Variants in TRIO observed in about 807,000 individuals in gnomAD.
TRIO encodes the protein triple functional domain protein.
In TRIO, 58 loss-of-function variants were observed where a neutral mutation model predicts 351.9. The ratio of observed to expected loss-of-function variants is 0.16; its 90% CI spans 0.13 to 0.21. TRIO has a LOEUF of 0.21. TRIO is among the 10% of genes least tolerant of loss of function. TRIO has a pLI of 1.00. For synonymous variants in TRIO, 1,758 were observed against 1,595.7 expected (o/e 1.10, Z -2.42); for missense variants, 3,201 against 4,027.8 (o/e 0.79, Z 5.56).
intron 34 of TRIO, among the ~76,000 whole-genome samples, chr5:14,455,022 G>A (rs914554199): frequency 1.5e-4 from 23 of 151,858 alleles, no homozygotes; most frequent in Admixed American, 1.0e-3. Context: ...CATTCGTCCC[G>A]GTGGGTTCGT....
intron 20 of TRIO, among the ~76,000 whole-genome samples, chr5:14,379,467 C>T (rs1036280222): frequency 5.3e-5 from 8 of 152,202 alleles, no homozygotes; most frequent in African/African-American, 7.2e-5. Flanking sequence ...AGGGATCTGG[C>T]GCCCCACCTT....
rs1757916844 is a variant in TRIO at position 14,509,088 on chromosome 5, G to A, written c.*666G>A. 1 of 187,002 alleles carries A rather than the reference G, an allele frequency of 5.3e-6. No individual in the cohort carries two copies. Among genetic ancestry groups the A allele is most frequent in the Admixed American group, 5.8e-5 (1 of 17,318 alleles). 11.6% of individuals were successfully genotyped at this position (187,002 alleles called of 1,614,324 possible). A position where few individuals can be genotyped will look rare whatever the true frequency, so the allele number is the denominator to read the frequency against. ...ACCCACCCCCCACCCACCACCTGGG[G>A]CTTCCTCTGGGGGTCCGAGGGTCTT... On this transcript the variant is annotated 3_prime_UTR_variant, in exon 57 of 57. Coordinates refer to ENST00000344204, the MANE Select transcript of TRIO (RefSeq NM_007118.4).
intron 9 of TRIO, among the ~76,000 whole-genome samples, chr5:14,319,939 C>T (rs185967468): frequency 4.6e-5 from 7 of 152,220 alleles, no homozygotes; most frequent in Middle Eastern, 3.4e-3. Flanking sequence ...GGTAGTCAGG[C>T]GTGGCGGGAA....
At chr5:14,483,872 C>T (rs982609162) in intron 46 of TRIO, among the ~76,000 whole-genome samples, 2 of 152,150 alleles carry the variant, frequency 1.3e-5, no homozygotes, top group African/African-American at 4.8e-5. Flanking sequence ...AACTGTGCGC[C>T]CATCCCCTGG....
chr5:14,201,237 G>A (rs1267893358), intron 1 of TRIO, among the ~76,000 whole-genome samples: 1 of 151,984 alleles, frequency 6.6e-6, no homozygotes, highest in Non-Finnish European at 1.5e-5. Context: ...TCCAGCCTGG[G>A]CAACAAGAGC....
At chr5:14,175,338 T>G (rs1789342645) in intron 1 of TRIO, among the ~76,000 whole-genome samples, 7 of 152,236 alleles carry the variant, frequency 4.6e-5, no homozygotes, top group Admixed American at 4.6e-4. Context: ...AAAGGCGTTT[T>G]CTAATTCCTT....
intron 49 of TRIO, among the ~76,000 whole-genome samples, chr5:14,495,004 G>A (rs993185876): frequency 2.0e-5 from 3 of 152,246 alleles, no homozygotes; most frequent in Non-Finnish European, 4.4e-5. Flanking sequence ...ACCTTGTGGA[G>A]AGGATTCACC....
intron 1 of TRIO, chr5:14,184,084 C>A: frequency 1.6e-6 from 1 of 627,210 alleles, no homozygotes; most frequent in Non-Finnish European, 2.9e-6. Flanking sequence ...GCCAGATGAG[C>A]AGCCATGACA....
At chr5:14,247,330 G>C (rs575248070) in intron 1 of TRIO, among the ~76,000 whole-genome samples, 1 of 152,356 alleles carries the variant, frequency 6.6e-6, no homozygotes, top group African/African-American at 2.4e-5. Context: ...GGGAAGATTA[G>C]CCTGAACTAT....
intron 18 of TRIO, among the ~76,000 whole-genome samples, chr5:14,373,021 A>C (rs942513791): frequency 6.6e-6 from 1 of 152,192 alleles, no homozygotes; most frequent in South Asian, 2.1e-4. Context: ...CCTTCTTCAC[A>C]TGGCGCGGGA....
intron 1 of TRIO, among the ~76,000 whole-genome samples, chr5:14,227,677 A>G (rs1447832702): frequency 6.6e-6 from 1 of 152,222 alleles, no homozygotes; most frequent in African/African-American, 2.4e-5. Context: ...TTCACTAAGT[A>G]CAAGTAGGCA....
At chr5:14,457,717 G>T (rs1304311050) in intron 34 of TRIO, among the ~76,000 whole-genome samples, 1 of 152,268 alleles carries the variant, frequency 6.6e-6, no homozygotes, top group South Asian at 2.1e-4. Flanking sequence ...TGGATCTGCT[G>T]AACAGTAGGG....
chr5:14,293,264 C>A, intron 6 of TRIO, 130 bp downstream of exon 6: 1 of 1,291,006 alleles, frequency 7.7e-7, no homozygotes, highest in Non-Finnish European at 1.1e-6. Flanking sequence ...AGCTGACCTT[C>A]ACATGGAGGG....
chr5:14,498,414 A>T, intron 52 of TRIO, 105 bp from the exon 53 acceptor site: 1 of 1,521,984 alleles, frequency 6.6e-7, no homozygotes, highest in East Asian at 2.4e-5. Flanking sequence ...GCTCCTCATC[A>T]GCACTTGAGC....
In TRIO at chr5:14,497,691, A is replaced by G. The variant is rs16903537; in HGVS notation, c.8020-156A>G. 0.042 allele frequency among the ~76,000 whole-genome samples: 6,408 copies of G among 152,210 alleles called. 466 individuals carry two copies. Among genetic ancestry groups the G allele is most frequent in the African/African-American group, 0.14 (5,954 of 41,484 alleles). On this transcript the variant is annotated intron_variant, in intron 50 of 56. Transcript: ENST00000344204. The surrounding 1 kb of genome is among the most constrained non-coding windows in gnomAD (Gnocchi z 4.4). ...CCCACCCAAATTAGTGTGACATGAA[A>G]CTTTTGAGTGCAGTGAAAATGTGGT...
At chr5:14,444,807 CT>C (rs34323511) in intron 34 of TRIO, among the ~76,000 whole-genome samples, 1 of 152,010 alleles carries the variant, frequency 6.6e-6, no homozygotes, top group Non-Finnish European at 1.5e-5. Context: ...GTATTATAGC[CT>C]TTTTTAGAGT....
chr5:14,403,471 T>G (rs111162439), intron 31 of TRIO, among the ~76,000 whole-genome samples: 621 of 29,482 alleles, frequency 0.021, no homozygotes, highest in East Asian at 0.03. Flanking sequence ...GGGTGCAGGT[T>G]GTGGTGAGGG....
chr5:14,149,574 CG>C (rs1304544651), intron 1 of TRIO, among the ~76,000 whole-genome samples: 1 of 152,108 alleles, frequency 6.6e-6, no homozygotes, highest in Non-Finnish European at 1.5e-5. Flanking sequence ...AGGCTACGAG[CG>C]GGGGGCAGAG....
At chr5:14,471,268 A>G (rs776615935) in intron 37 of TRIO, 50 bp from the exon 38 acceptor site, 208 of 1,580,768 alleles carry the variant, frequency 1.3e-4, no homozygotes, top group Non-Finnish European at 1.7e-4. Flanking sequence ...GTTTTAGCCA[A>G]TCATGGGCTG....
Sources: allele counts gnomAD v4.1 joint callset (sites outside exome capture counted in the v4.1 genomes callset), GRCh38; gene constraint gnomAD v4.1.1; non-coding constraint Gnocchi (gnomAD v3.1); transcripts MANE v1.5; gene names NCBI Gene and HGNC (gene_info 2026-07-23, HGNC 2026-07-21).